The following PPP2R3A variants were observed in gnomAD, a reference collection of about 807,000 sequenced individuals.
PPP2R3A encodes the protein protein phosphatase 2 regulatory subunit B''alpha, also known as serine/threonine-protein phosphatase 2A regulatory subunit B'' subunit alpha.
PPP2R3A carries 80 observed loss-of-function variants against 106.9 expected under a neutral mutation model. The ratio of observed to expected loss-of-function variants is 0.75; its 90% CI spans 0.62 to 0.90. The LOEUF is 0.90. PPP2R3A is among the 40% of genes least tolerant of loss of function. The pLI, the probability that PPP2R3A is intolerant of heterozygous loss-of-function variation, is 0.00. For missense variants in PPP2R3A, 1,386 were observed against 1,350.4 expected (o/e 1.03, Z -0.41); for synonymous variants, 483 against 468.3 (o/e 1.03, Z -0.41).
chr3:136,022,790 A>G, intron 2 of PPP2R3A: 3 of 1,189,264 alleles, frequency 2.5e-6, no homozygotes, highest in African/African-American at 3.2e-5. Flanking sequence ...ACATAAAGCT[A>G]CCAACAAGGA....
intron 9 of PPP2R3A, among the ~76,000 whole-genome samples, chr3:136,088,903 C>A (rs138350734): frequency 6.6e-6 from 1 of 151,852 alleles, no homozygotes; most frequent in Non-Finnish European, 1.5e-5. Flanking sequence ...GAGAAGTGTC[C>A]GTTCATGTCC....
chr3:136,071,454 C>T (rs768023131), intron 6 of PPP2R3A, among the ~76,000 whole-genome samples: 27 of 152,118 alleles, frequency 1.8e-4, no homozygotes, highest in Non-Finnish European at 2.8e-4. Flanking sequence ...CAGAAGGTGT[C>T]ACTGTTATCT....
chr3:135,984,237 C>T (rs1279099088), intron 1 of PPP2R3A, among the ~76,000 whole-genome samples: 1 of 152,176 alleles, frequency 6.6e-6, no homozygotes, highest in Non-Finnish European at 1.5e-5. Flanking sequence ...ACCCCAGCTC[C>T]TTTAGCCTTA....
At chr3:136,022,858 A>G in intron 2 of PPP2R3A, 1 of 1,346,796 alleles carries the variant, frequency 7.4e-7, no homozygotes, top group East Asian at 3.2e-5. Context: ...AGGTATTGGG[A>G]GCCACAGACT....
At chr3:136,052,922 A>G (rs1053043136) in intron 5 of PPP2R3A, among the ~76,000 whole-genome samples, 8 of 152,224 alleles carry the variant, frequency 5.3e-5, no homozygotes, top group Non-Finnish European at 7.3e-5. Flanking sequence ...GAGAAAATCA[A>G]CGTACAAGAA....
In PPP2R3A at chr3:135,973,915, C is replaced by G. The variant is rs376329021; in HGVS notation, c.-441+8066C>G. Among the ~76,000 whole-genome samples, 50 of 152,292 alleles carry G rather than the reference C, an allele frequency of 3.3e-4. 2 individuals are homozygous for G. In the South Asian group the frequency reaches 9.9e-3, roughly 30 times the overall value. ...TTTCTACAGTTATCTAACTCACTGA[C>G]TCCAGTTCCTTTTCCACCAGTCTCT... On this transcript the variant is annotated intron_variant, in intron 1 of 13. Coordinates refer to ENST00000264977, the MANE Select transcript of PPP2R3A (RefSeq NM_002718.5).
At chr3:136,005,801 C>A (rs898231508) in intron 2 of PPP2R3A, among the ~76,000 whole-genome samples, 8 of 152,148 alleles carry the variant, frequency 5.3e-5, no homozygotes, top group Admixed American at 1.3e-4. Flanking sequence ...GGTATTATCT[C>A]ACTATTTTCC....
intron 1 of PPP2R3A, among the ~76,000 whole-genome samples, chr3:135,978,197 C>T (rs897764907): frequency 1.0e-4 from 15 of 148,954 alleles, no homozygotes; most frequent in African/African-American, 3.9e-4. Flanking sequence ...TAAAGTTATA[C>T]ATTTATTTAC....
intron 2 of PPP2R3A, chr3:136,023,091 C>G: frequency 6.2e-7 from 1 of 1,613,364 alleles, no homozygotes; most frequent in Non-Finnish European, 8.5e-7. Flanking sequence ...GGAAACATCT[C>G]TACGAAGGGA....
chr3:135,989,914 T>TA (rs1257693476), intron 1 of PPP2R3A, among the ~76,000 whole-genome samples: 1 of 152,198 alleles, frequency 6.6e-6, no homozygotes, highest in Non-Finnish European at 1.5e-5. Context: ...TGTTTATGTG[T>TA]ATATGTATAT....
intron 2 of PPP2R3A, among the ~76,000 whole-genome samples, chr3:136,009,314 G>A (rs1933962557): frequency 6.6e-6 from 1 of 151,924 alleles, no homozygotes; most frequent in Non-Finnish European, 1.5e-5. Context: ...AACCAGCCCC[G>A]CCCCAACTTT....
chr3:136,030,823 T>C (rs964900948), intron 3 of PPP2R3A, among the ~76,000 whole-genome samples: 16 of 141,196 alleles, frequency 1.1e-4, no homozygotes, highest in South Asian at 4.5e-4. Flanking sequence ...TGTATGTATG[T>C]ATACACACAC....
chr3:135,989,878 G>C (rs1389299655), intron 1 of PPP2R3A, among the ~76,000 whole-genome samples: 2 of 152,042 alleles, frequency 1.3e-5, no homozygotes, highest in African/African-American at 4.8e-5. Context: ...TGTTTAAAAA[G>C]TTATATGCAC....
chr3:136,076,541 A>G (rs575981540), intron 6 of PPP2R3A, among the ~76,000 whole-genome samples: 2 of 152,322 alleles, frequency 1.3e-5, no homozygotes, highest in South Asian at 2.1e-4. Flanking sequence ...GAGTTCTTCA[A>G]ATAGTTATGA....
intron 1 of PPP2R3A, among the ~76,000 whole-genome samples, chr3:135,983,547 A>C (rs932356709): frequency 6.6e-6 from 1 of 152,194 alleles, no homozygotes; most frequent in East Asian, 1.9e-4. Flanking sequence ...TTCTATTTAT[A>C]TGTTTCCTCT....
intron 3 of PPP2R3A, among the ~76,000 whole-genome samples, chr3:136,035,849 A>G (rs1412282666): frequency 2.6e-5 from 4 of 152,158 alleles, no homozygotes; most frequent in African/African-American, 9.7e-5. Flanking sequence ...CTTCTTCCTC[A>G]GGAACACCAA....
At chr3:136,055,921 C>G (rs1232560160) in intron 5 of PPP2R3A, among the ~76,000 whole-genome samples, 1 of 152,158 alleles carries the variant, frequency 6.6e-6, no homozygotes, top group Non-Finnish European at 1.5e-5. Flanking sequence ...ATAGTGATTT[C>G]AGGGTGTGGG....
At chr3:136,092,307 G>T (rs1049558587) in intron 10 of PPP2R3A, among the ~76,000 whole-genome samples, 1 of 152,102 alleles carries the variant, frequency 6.6e-6, no homozygotes, top group Non-Finnish European at 1.5e-5. Context: ...TACAGCCTGG[G>T]TGACAAGAGC....
chr3:136,059,295 A>C (rs923322086), intron 5 of PPP2R3A, among the ~76,000 whole-genome samples: 3 of 152,172 alleles, frequency 2.0e-5, no homozygotes, highest in Admixed American at 1.3e-4. Context: ...TACAAGAAAA[A>C]AAAACATAAA....
Sources: allele counts gnomAD v4.1 joint callset (sites outside exome capture counted in the v4.1 genomes callset), GRCh38; gene constraint gnomAD v4.1.1; transcripts MANE v1.5; gene names NCBI Gene and HGNC (gene_info 2026-07-23, HGNC 2026-07-21).